The following RBM5 variants were observed in gnomAD, a reference collection of about 807,000 sequenced individuals.
RBM5 encodes RNA-binding protein 5.
A neutral mutation model predicts 124.6 loss-of-function variants in RBM5; 15 were observed. That is an observed-to-expected ratio of 0.12 (90% CI 0.08 to 0.19). The LOEUF (loss-of-function observed/expected upper bound fraction) is 0.19, where lower values mean the gene tolerates loss of function less well. Among genes scored for constraint, RBM5 ranks in the 10% least tolerant of loss-of-function variants. The probability of loss-of-function intolerance (pLI) is 1.00; values close to 1 mark genes in which losing one functional copy is unlikely to be tolerated. For synonymous variants in RBM5, 337 were observed against 361.2 expected (o/e 0.93, Z 0.76); for missense variants, 580 against 1,026.5 (o/e 0.57, Z 5.94).
chr3:50,105,500 A>G lies in RBM5; in HGVS notation c.695-49A>G, dbSNP rs978178622. On this transcript the variant is annotated intron_variant, in intron 9 of 24. Transcript: ENST00000347869. ...ACCCTATCTTGGAAAACTTTGGTAC[A>G]TTGGTGGTGGGAATGCATGTGTATG... The G allele has an allele frequency of 7.6e-6, 12 of 1,584,776 alleles. No homozygotes were observed. The African/African-American group carries it at 1.2e-4, about 16-fold the overall frequency.
intron 4 of RBM5, 81 bp downstream of exon 4, chr3:50,093,956 T>C: frequency 6.7e-7 from 1 of 1,487,836 alleles, no homozygotes; most frequent in Non-Finnish European, 9.2e-7. Context: ...CTCATGCTAT[T>C]GTTTTATCTT....
Position 50,110,461 on chromosome 3 carries a change from A to G in RBM5, c.1361A>G (p.Tyr454Cys), listed in dbSNP as rs571459376. The change falls in exon 16 of 25, where the codon TAT becomes TGT. Residue 454 changes from tyrosine to cysteine, a missense_variant and splice_region_variant. Coordinates refer to ENST00000347869, the MANE Select transcript of RBM5 (RefSeq NM_005778.4). ...SPTGVVPGTK[Y>C]AVPDTSTYQY... ...ACTGGTGTAGTTCCTGGTACCAAAT[A>G]TGGTAAGCCAAACCTCATGGGGCTG... 6.0e-5 allele frequency: 97 copies of G among 1,612,870 alleles called. No homozygotes were observed. Among genetic ancestry groups the G allele is most frequent in the Non-Finnish European group, 8.2e-5 (97 of 1,179,032 alleles).
intron 22 of RBM5, chr3:50,116,698 T>C (rs1427298637): frequency 6.7e-6 from 2 of 297,196 alleles, no homozygotes; most frequent in African/African-American, 4.4e-5. Context: ...GTTGGAGGTA[T>C]GCCTTTCCAA....
intron 11 of RBM5, 61 bp from the exon 12 acceptor site, chr3:50,107,421 A>T: frequency 7.6e-7 from 1 of 1,307,610 alleles, no homozygotes; most frequent in Non-Finnish European, 1.1e-6. Flanking sequence ...TTGGTGGTAT[A>T]GGGGCACTAA....
At chr3:50,097,337 A>G (rs905022235) in intron 4 of RBM5, among the ~76,000 whole-genome samples, 1 of 151,592 alleles carries the variant, frequency 6.6e-6, no homozygotes, top group Non-Finnish European at 1.5e-5. Flanking sequence ...CGGAGCTTGC[A>G]GTGAGCCGAG....
In RBM5 at chr3:50,105,083, A is replaced by T; in HGVS notation, c.635A>T (p.Glu212Val). 2 of 1,585,378 alleles carry T rather than the reference A, an allele frequency of 1.3e-6. No individual in the cohort carries two copies. Among genetic ancestry groups the T allele is most frequent in the East Asian group, 2.2e-5 (1 of 44,542 alleles). ...FRCGADKFDS[E>V]QEVPPGTTES... ...GGATCACTTTCCCTTCTAGACTCTG[A>T]ACAGGAAGTGCCTCCTGGAACCACA... Residue 212 changes from glutamate to valine, a missense_variant, in exon 9 of 25, where the codon GAA (glutamate) becomes GTA (valine). Glu to Val is a moderately radical substitution (Grantham distance 121, BLOSUM62 -2). Coordinates refer to ENST00000347869, the MANE Select transcript of RBM5 (RefSeq NM_005778.4).
At chr3:50,093,600 A>T in intron 3 of RBM5, 120 bp from the exon 4 acceptor site, 1 of 1,126,572 alleles carries the variant, frequency 8.9e-7, no homozygotes, top group Non-Finnish European at 1.3e-6. Context: ...AGTGAACATT[A>T]CCATGGAGTG....
intron 3 of RBM5, chr3:50,093,070 C>A: frequency 5.2e-6 from 1 of 193,816 alleles, no homozygotes; most frequent in Non-Finnish European, 1.0e-5. Flanking sequence ...GCCTGGGAGG[C>A]AGTGGTTGCA....
chr3:50,107,667 CTTTTCTTTTTTTTTTTTTT>C, intron 12 of RBM5, 98 bp downstream of exon 12: 1 of 135,136 alleles, frequency 7.4e-6, no homozygotes, highest in Admixed American at 1.5e-4. Context: ...GAGCTCTTTT[CTTTTCTTTTTTTTTTTTTT>C]TTTTTTTTTT....
At chr3:50,116,960 AAAAG>A in intron 22 of RBM5, 110 bp from the exon 23 acceptor site, 2 of 954,360 alleles carry the variant, frequency 2.1e-6, no homozygotes, top group African/African-American at 3.3e-5. Context: ...GCAGTCTAAA[AAAAG>A]CATTCTTCAG....
chr3:50,106,790 A>T lies in RBM5; in HGVS notation c.879A>T (p.Ile293=), dbSNP rs1383111228. The part of the protein sequence containing the change: ...SAMDASQLLQ[I]LQSLHPPLKI... ...AGGATGCTTCTCAGCTGCTTCAGAT[A>T]TTACAGAGTCTCCATCCTCCTTTGA... Residue 293 remains isoleucine, a synonymous_variant, in exon 11 of 25, where the codon ATA becomes ATT. Transcript: ENST00000347869. 1.2e-6 allele frequency: 2 copies of T among 1,612,134 alleles called. No individual in the cohort carries two copies. The highest frequency in any genetic ancestry group is 1.7e-6 in the Non-Finnish European group (2 of 1,178,216).
At chr3:50,103,724 GT>G (rs1228301099) in intron 7 of RBM5, among the ~76,000 whole-genome samples, 1 of 152,152 alleles carries the variant, frequency 6.6e-6, no homozygotes, top group African/African-American at 2.4e-5. Flanking sequence ...TCATGTTACT[GT>G]TTATTGAATT....
Position 50,118,360 on chromosome 3 carries a change from A to G in RBM5, c.2352A>G (p.Leu784=), listed in dbSNP as rs770044475. The change falls in exon 25 of 25, where the codon CTA becomes CTG. Residue 784 remains leucine, a synonymous_variant. Transcript: ENST00000347869. ...AAGTTCGGCTAAAGGGAGCTGGCCT[A>G]GGAGCCAAAGGCAGCGCATATGGTT... ...EAQVRLKGAG[L]GAKGSAYGLS... is the part of the protein sequence containing the mutation. 5.0e-6 allele frequency: 8 copies of G among 1,614,186 alleles called. No homozygotes were observed. The highest frequency in any genetic ancestry group is 2.2e-5 in the South Asian group (2 of 91,080).
At chr3:50,118,213 T>C (rs1457754375) in intron 24 of RBM5, 118 bp from the exon 25 acceptor site, 3 of 1,360,270 alleles carry the variant, frequency 2.2e-6, no homozygotes, top group East Asian at 2.5e-5. Flanking sequence ...TGTCTTCATA[T>C]ACAGTTTTCT....
At chr3:50,115,679 C>G in intron 21 of RBM5, 72 bp downstream of exon 21, 1 of 1,503,254 alleles carries the variant, frequency 6.7e-7, no homozygotes, top group Non-Finnish European at 9.0e-7. Context: ...CCTAACAGTC[C>G]TGACGGTTCC....
intron 24 of RBM5, 95 bp from the exon 25 acceptor site, chr3:50,118,236 C>T: frequency 6.6e-7 from 1 of 1,523,994 alleles, no homozygotes. Flanking sequence ...CTTCTGTCTC[C>T]TGGTGGGTGG....
At chr3:50,099,715 A>C in intron 4 of RBM5, 1 of 211,044 alleles carries the variant, frequency 4.7e-6, no homozygotes, top group Non-Finnish European at 9.4e-6. Flanking sequence ...AAAAAAAATC[A>C]GTCACGCATG....
chr3:50,113,173 G>C, intron 17 of RBM5: 1 of 416,584 alleles, frequency 2.4e-6, no homozygotes, highest in Non-Finnish European at 4.3e-6. Context: ...ACTTTTTAAA[G>C]AAATCATATT....
rs185062240 is a variant in RBM5 at position 50,091,725 on chromosome 3, G to A, written c.18-318G>A. On this transcript the variant is annotated intron_variant, in intron 2 of 24. Transcript: ENST00000347869. ...GGTCACTAAGATCTGAATCAGGGATGAAGGGATAATATGTAGACTCTAGGC... is the reference window on the plus strand; with the variant it reads ...GGTCACTAAGATCTGAATCAGGGATAAAGGGATAATATGTAGACTCTAGGC... Among the ~76,000 whole-genome samples, 135 of 152,290 alleles carry A rather than the reference G, an allele frequency of 8.9e-4. 2 individuals are homozygous for A. In the East Asian group the frequency reaches 0.021, roughly 23 times the overall value.
Sources: allele counts gnomAD v4.1 joint callset (sites outside exome capture counted in the v4.1 genomes callset), GRCh38; gene constraint gnomAD v4.1.1; transcripts MANE v1.5; gene names NCBI Gene and HGNC (gene_info 2026-07-23, HGNC 2026-07-21).